Variants in SMARCA4 observed in about 807,000 individuals in gnomAD.
SMARCA4 encodes the protein SWI/SNF-related matrix-associated actin-dependent regulator of chromatin subfamily A member 4.
Under a neutral mutation model 193.9 loss-of-function variants are expected in SMARCA4, and 31 were observed. The ratio of observed to expected loss-of-function variants is 0.16; its 90% CI spans 0.12 to 0.22. The LOEUF (loss-of-function observed/expected upper bound fraction) is 0.22, where lower values mean the gene tolerates loss of function less well. SMARCA4 is among the 10% of genes least tolerant of loss of function. SMARCA4 has a pLI of 1.00. For synonymous variants in SMARCA4, 942 were observed against 933.1 expected (o/e 1.01, Z -0.17); for missense variants, 1,148 against 2,296.0 (o/e 0.50, Z 10.22).
intron 9 of SMARCA4, 127 bp from the exon 10 acceptor site, chr19:10,996,086 G>A (rs1029589017): frequency 1.1e-6 from 1 of 903,294 alleles, no homozygotes; most frequent in Admixed American, 1.7e-5. Context: ...GCCGTGTGAA[G>A]GGCTGGTGGC....
At chr19:11,055,187 TTTTG>T (rs1169549120) in intron 30 of SMARCA4, among the ~76,000 whole-genome samples, 1 of 151,956 alleles carries the variant, frequency 6.6e-6, no homozygotes, top group Non-Finnish European at 1.5e-5. Flanking sequence ...TGGTTTTGTG[TTTTG>T]TTTTTGTTTG....
intron 14 of SMARCA4, among the ~76,000 whole-genome samples, chr19:11,010,083 C>T (rs2088673920): frequency 6.6e-6 from 1 of 152,188 alleles, no homozygotes; most frequent in Non-Finnish European, 1.5e-5. Flanking sequence ...GCTTCAGCCT[C>T]CCAAAGTGTT....
Position 10,987,843 on chromosome 19 carries a change from A to T in SMARCA4, c.1037A>T (p.His346Leu). Residue 346 changes from histidine to leucine, a missense_variant, in exon 6 of 35, where the codon CAC (histidine) becomes CTC (leucine). His to Leu is a moderately conservative substitution (Grantham distance 99, BLOSUM62 -3). This residue lies in a region of SMARCA4 where 257 missense variants were observed against 276.5 expected (regional missense o/e 0.93). Coordinates refer to ENST00000344626, the MANE Select transcript of SMARCA4 (RefSeq NM_003072.5). This position sits in a 1 kb window ranked among gnomAD's most constrained non-coding sequence, Gnocchi z 5.3. The stretch of plus-strand genomic sequence containing the variant: ...CAGCCCGCGCCCATGGTGCCACTGC[A>T]CCAGAAGCAGAGCCGCATCACCCCC... ...PAQPAPMVPL[H>L]QKQSRITPIQ... The T allele has an allele frequency of 6.2e-7, 1 of 1,611,548 alleles. No individual in the cohort carries two copies. Among genetic ancestry groups the T allele is most frequent in the Non-Finnish European group, 8.5e-7 (1 of 1,179,418 alleles).
In SMARCA4 at chr19:10,985,587, C is replaced by T. The variant is rs1012041090; in HGVS notation, c.355+182C>T. Among the ~76,000 whole-genome samples, 5 of 152,182 alleles carry T rather than the reference C, an allele frequency of 3.3e-5. No individual in the cohort carries two copies. The highest frequency in any genetic ancestry group is 1.9e-4 in the East Asian group (1 of 5,184). On this transcript the variant is annotated intron_variant, in intron 3 of 34. Coordinates refer to ENST00000344626, the MANE Select transcript of SMARCA4 (RefSeq NM_003072.5). The surrounding 1 kb of genome is among the most constrained non-coding windows in gnomAD (Gnocchi z 4.5). ...GGCTGGTGCTCTGTTCTGGCCACCT[C>T]GTCTCGGAGCAGCCCTGGAAGGGGA...
At chr19:11,057,295 C>T (rs1184984842) in intron 30 of SMARCA4, among the ~76,000 whole-genome samples, 1 of 152,246 alleles carries the variant, frequency 6.6e-6, no homozygotes, top group East Asian at 1.9e-4. Context: ...CTGAGCCAGG[C>T]TCAGGTATGG....
In SMARCA4 at chr19:11,041,819, G is replaced by A. The variant is rs914488093; in HGVS notation, c.4424+259G>A. On this transcript the variant is annotated intron_variant, in intron 30 of 34. Transcript: ENST00000344626. This position sits in a 1 kb window ranked among gnomAD's most constrained non-coding sequence, Gnocchi z 5.6. Reference sequence around the variant, plus strand: ...GAGAGGCAGGGGTGCGGGTCTCGGAGAAGGGGACATTGCAGCAGAGCCTTG... The same window carrying A: ...GAGAGGCAGGGGTGCGGGTCTCGGAAAAGGGGACATTGCAGCAGAGCCTTG... Among the ~76,000 whole-genome samples the A allele has an allele frequency of 6.6e-6, 1 of 152,344 alleles. No individual in the cohort carries two copies. Among genetic ancestry groups the A allele is most frequent in the African/African-American group, 2.4e-5 (1 of 41,586 alleles).
intron 1 of SMARCA4, among the ~76,000 whole-genome samples, chr19:10,980,023 A>G (rs566893448): frequency 5.3e-5 from 8 of 152,294 alleles, no homozygotes; most frequent in Admixed American, 2.6e-4. Context: ...ACGGCTCTCC[A>G]CTTTGTGCTG....
At chr19:11,025,672 G>A (rs568101830) in intron 22 of SMARCA4, 164 bp downstream of exon 22, 57 of 656,512 alleles carry the variant, frequency 8.7e-5, no homozygotes, top group Admixed American at 2.1e-4. Context: ...CAGTGCTTAC[G>A]GGAAGAATCC....
intron 1 of SMARCA4, among the ~76,000 whole-genome samples, chr19:10,965,970 GTTTTTTTTTTTTTT>G (rs372236923): frequency 7.6e-5 from 6 of 78,934 alleles, no homozygotes; most frequent in African/African-American, 1.4e-4. Context: ...TAGTGGCATG[GTTTTTTTTTTTTTT>G]TTTTTTTTTT....
chr19:11,033,660 G>A lies in SMARCA4; in HGVS notation c.3775-107G>A, dbSNP rs1418763188. ...AAAGGGAGTGTGGGCTGAACGGAAA[G>A]AGGATGAGTACTTGCTTTTTCTTTG... On this transcript the variant is annotated intron_variant, in intron 26 of 34. Transcript: ENST00000344626. The surrounding 1 kb of genome is among the most constrained non-coding windows in gnomAD (Gnocchi z 9.8). 1 of 777,018 alleles carries A rather than the reference G, an allele frequency of 1.3e-6. No individual in the cohort carries two copies. Among genetic ancestry groups the A allele is most frequent in the Non-Finnish European group, 2.3e-6 (1 of 426,200 alleles). The allele number at this position is 777,018 out of a possible 1,614,324, so 48.1% of individuals were successfully genotyped here. A position where few individuals can be genotyped will look rare whatever the true frequency, so the allele number is the denominator to read the frequency against.
intron 30 of SMARCA4, among the ~76,000 whole-genome samples, chr19:11,048,553 C>T (rs1286196524): frequency 6.6e-6 from 1 of 152,200 alleles, no homozygotes; most frequent in East Asian, 1.9e-4. Context: ...CCTCTGGATT[C>T]GGTGTCAGGA....
chr19:10,982,652 A>C (rs905786090), intron 1 of SMARCA4, among the ~76,000 whole-genome samples: 3 of 151,726 alleles, frequency 2.0e-5, no homozygotes, highest in Non-Finnish European at 4.4e-5. Context: ...GGTGCCTGCC[A>C]CCATGCCCGG....
chr19:10,968,795 C>T lies in SMARCA4; in HGVS notation c.-32+7621C>T, dbSNP rs111263469. 3.7e-3 allele frequency among the ~76,000 whole-genome samples: 562 copies of T among 152,246 alleles called. 7 individuals are homozygous for T. Among genetic ancestry groups the T allele is most frequent in the African/African-American group, 0.013 (520 of 41,546 alleles). ...CTGCTGTGTGCGACCCATCTTGCTC[C>T]GAAAGTCCCAGTAAAGGGGCATAGT... On this transcript the variant is annotated intron_variant, in intron 1 of 34. Transcript: ENST00000344626.
At chr19:10,992,142 C>T (rs2086613084) in intron 8 of SMARCA4, among the ~76,000 whole-genome samples, 1 of 148,126 alleles carries the variant, frequency 6.8e-6, no homozygotes, top group African/African-American at 2.5e-5. Context: ...GATGGAGTCT[C>T]GCTGTGTCAC....
chr19:10,997,596 G>A (rs1446617656), intron 11 of SMARCA4, among the ~76,000 whole-genome samples: 2 of 152,012 alleles, frequency 1.3e-5, no homozygotes, highest in African/African-American at 4.8e-5. Flanking sequence ...AAAGTGCCAG[G>A]ATTACAGGCA....
intron 1 of SMARCA4, among the ~76,000 whole-genome samples, chr19:10,983,269 C>T (rs1341797971): frequency 6.6e-6 from 1 of 152,132 alleles, no homozygotes; most frequent in Non-Finnish European, 1.5e-5. Flanking sequence ...TTCCAAGTGT[C>T]AGGGACCAAA....
At chr19:11,037,529 A>G (rs1051054358) in intron 29 of SMARCA4, among the ~76,000 whole-genome samples, 4 of 152,202 alleles carry the variant, frequency 2.6e-5, no homozygotes, top group Non-Finnish European at 5.9e-5. Flanking sequence ...TTGAATTGTA[A>G]GTTATTTACA....
chr19:11,059,673 G>T (rs2147109988), intron 32 of SMARCA4, 80 bp from the exon 33 acceptor site: 1 of 1,483,700 alleles, frequency 6.7e-7, no homozygotes, highest in Non-Finnish European at 9.2e-7. Flanking sequence ...CACAGGGCTG[G>T]GGCTGGGGCT....
At position 11,041,105 on chromosome 19, in the gene SMARCA4, G is replaced by A. The variant is rs2075579125; in HGVS notation, c.4171-202G>A. ...ACAAGCTTGGGTGGGGTGCCTGCTGGGGGCAGTGCTGGTCTTTCACTGCAG... is the reference window on the plus strand; with the variant it reads ...ACAAGCTTGGGTGGGGTGCCTGCTGAGGGCAGTGCTGGTCTTTCACTGCAG... On this transcript the variant is annotated intron_variant, in intron 29 of 34. Transcript: ENST00000344626. This position sits in a 1 kb window ranked among gnomAD's most constrained non-coding sequence, Gnocchi z 5.6. The A allele has an allele frequency of 8.6e-6, 5 of 583,544 alleles. No individual in the cohort carries two copies. Among genetic ancestry groups the A allele is most frequent in the Non-Finnish European group, 9.0e-6 (3 of 332,370 alleles). 36.1% of individuals were successfully genotyped at this position (583,544 alleles called of 1,614,324 possible).
Sources: gnomAD v4.1 joint callset for allele counts (sites outside exome capture counted in the v4.1 genomes callset) on GRCh38, gnomAD v4.1.1 for gene constraint, gnomAD v4.1.1 regional missense constraint, Gnocchi (gnomAD v3.1) non-coding constraint, MANE v1.5 for transcripts, NCBI Gene and HGNC (gene_info 2026-07-23, HGNC 2026-07-21) for gene names.